The following ROBO1 variants were observed in gnomAD, a reference collection of about 807,000 sequenced individuals.
ROBO1 encodes roundabout guidance receptor 1.
In ROBO1, 149 loss-of-function variants were observed where a neutral mutation model predicts 195.9. That is an observed-to-expected ratio of 0.76 (90% confidence interval 0.67 to 0.87). ROBO1 has a LOEUF of 0.87. Ranked by LOEUF, ROBO1 falls within the 40% of genes least tolerant of loss-of-function variation. The probability of loss-of-function intolerance (pLI) is 0.00; values close to 1 mark genes in which losing one functional copy is unlikely to be tolerated. For synonymous variants in ROBO1, 816 were observed against 733.2 expected, an observed-to-expected ratio of 1.11 and a Z score of -1.82; for missense variants, 1,933 against 2,068.3, an observed-to-expected ratio of 0.93 and a Z score of 1.27.
At chr3:79,052,168 T>G (rs547131323) in intron 3 of ROBO1, among the ~76,000 whole-genome samples, 10 of 152,014 alleles carry the variant, frequency 6.6e-5, no homozygotes, top group African/African-American at 2.4e-5. Flanking sequence ...TCTCAGCAAG[T>G]AATAGCCCTG....
chr3:78,774,399 C>A (rs2083453560), intron 4 of ROBO1, among the ~76,000 whole-genome samples: 1 of 152,058 alleles, frequency 6.6e-6, no homozygotes, highest in Admixed American at 6.6e-5. Context: ...CAAGCTACGC[C>A]TCCTGGGTTC....
chr3:78,762,901 A>G (rs1357601571), intron 4 of ROBO1, among the ~76,000 whole-genome samples: 1 of 152,088 alleles, frequency 6.6e-6, no homozygotes, highest in African/African-American at 2.4e-5. Context: ...AACCACAACC[A>G]CTAATTATAA....
intron 1 of ROBO1, among the ~76,000 whole-genome samples, chr3:79,745,706 C>T (rs886560865): frequency 2.0e-5 from 3 of 152,054 alleles, no homozygotes; most frequent in East Asian, 3.8e-4. Flanking sequence ...GGTCATGTCC[C>T]TTTTCATTTT....
intron 3 of ROBO1, among the ~76,000 whole-genome samples, chr3:79,089,994 C>T (rs1255471612): frequency 1.3e-5 from 2 of 149,108 alleles, no homozygotes; most frequent in African/African-American, 5.0e-5. Context: ...GGCTGGAGTG[C>T]AGTGGTGCAA....
intron 2 of ROBO1, among the ~76,000 whole-genome samples, chr3:79,434,945 C>T (rs529233172): frequency 1.3e-5 from 2 of 152,216 alleles, no homozygotes; most frequent in African/African-American, 4.8e-5. Flanking sequence ...CCATCATTCT[C>T]AGCAAACTAT....
intron 2 of ROBO1, among the ~76,000 whole-genome samples, chr3:79,553,402 T>C (rs1352384414): frequency 6.6e-6 from 1 of 152,086 alleles, no homozygotes; most frequent in East Asian, 1.9e-4. Flanking sequence ...ATACACAGGA[T>C]ACAGTTTCAT....
At chr3:79,725,360 G>A (rs1340366292) in intron 1 of ROBO1, among the ~76,000 whole-genome samples, 1 of 150,882 alleles carries the variant, frequency 6.6e-6, no homozygotes, top group Non-Finnish European at 1.5e-5. Context: ...CCGAGTAGCT[G>A]GGACTACAGG....
chr3:79,190,167 T>G (rs1038328834), intron 2 of ROBO1, among the ~76,000 whole-genome samples: 5 of 151,668 alleles, frequency 3.3e-5, no homozygotes, highest in African/African-American at 1.2e-4. Flanking sequence ...AAATTTACCC[T>G]GCTTATATAT....
chr3:79,464,759 T>C (rs1433982290), intron 2 of ROBO1, among the ~76,000 whole-genome samples: 2 of 152,208 alleles, frequency 1.3e-5, no homozygotes, highest in African/African-American at 4.8e-5. Context: ...AATTCATCTA[T>C]TTTTTGTCAC....
intron 4 of ROBO1, among the ~76,000 whole-genome samples, chr3:78,852,036 T>A (rs1388459013): frequency 1.3e-5 from 2 of 152,078 alleles, no homozygotes; most frequent in Admixed American, 6.6e-5. Context: ...ATTTTAAATT[T>A]AAGAAACACA....
At chr3:79,735,234 A>G (rs1703330171) in intron 1 of ROBO1, among the ~76,000 whole-genome samples, 1 of 152,218 alleles carries the variant, frequency 6.6e-6, no homozygotes, top group Non-Finnish European at 1.5e-5. Flanking sequence ...TAGGTCTCTA[A>G]TATCTCAAGA....
intron 4 of ROBO1, among the ~76,000 whole-genome samples, chr3:78,809,470 C>T (rs961451065): frequency 3.3e-5 from 5 of 152,118 alleles, no homozygotes; most frequent in Admixed American, 6.5e-5. Context: ...TACCATTTGA[C>T]CCAGCAATCC....
chr3:79,016,649 A>G (rs2077943135), intron 3 of ROBO1, among the ~76,000 whole-genome samples: 1 of 152,188 alleles, frequency 6.6e-6, no homozygotes, highest in Non-Finnish European at 1.5e-5. Flanking sequence ...ATGTGACCCT[A>G]TCTTTAATCT....
chr3:78,746,853 C>T lies in ROBO1; in HGVS notation c.547G>A (p.Val183Ile), dbSNP rs2082670221. 3 of 1,593,080 alleles carry T rather than the reference C, an allele frequency of 1.9e-6. No homozygotes were observed. The highest frequency in any genetic ancestry group is 1.1e-5 in the South Asian group (1 of 88,890). Reference sequence around the variant, plus strand: ...CATTCCATTACTGCAGGCTCTCCTACTGCAACCATGACATCCGAAGGGTTT... The same window carrying T: ...CATTCCATTACTGCAGGCTCTCCTATTGCAACCATGACATCCGAAGGGTTT... The part of the protein sequence containing the change: ...RQNPSDVMVA[V>I]GEPAVMECQP... The change falls in exon 5 of 31, where the codon GTA becomes ATA. Residue 183 changes from valine (V) to isoleucine (I), a missense_variant. Coordinates refer to ENST00000464233, the MANE Select transcript of ROBO1 (RefSeq NM_002941.4).
chr3:79,308,722 C>T (rs1162094801), intron 2 of ROBO1, among the ~76,000 whole-genome samples: 4 of 152,144 alleles, frequency 2.6e-5, no homozygotes, highest in African/African-American at 9.7e-5. Context: ...ACATTTGCCT[C>T]TGAATCAATT....
intron 2 of ROBO1, among the ~76,000 whole-genome samples, chr3:79,521,673 AG>A (rs1428863670): frequency 6.6e-6 from 1 of 152,182 alleles, no homozygotes; most frequent in East Asian, 1.9e-4. Context: ...ATACTTATTT[AG>A]CTTCAAATAA....
intron 1 of ROBO1, among the ~76,000 whole-genome samples, chr3:79,663,459 C>A (rs1457408801): frequency 6.6e-6 from 1 of 152,020 alleles, no homozygotes; most frequent in Admixed American, 6.6e-5. Context: ...TCATTCTCTT[C>A]CTATTCTTAC....
chr3:79,324,297 C>T lies in ROBO1; in HGVS notation c.89-198758G>A, dbSNP rs552245398. Among the ~76,000 whole-genome samples the T allele has an allele frequency of 5.3e-5, 8 of 152,154 alleles. No individual in the cohort carries two copies. The South Asian group carries it at 1.2e-3, about 24-fold the overall frequency. On this transcript the variant is annotated intron_variant, in intron 2 of 30. Coordinates refer to ENST00000464233, the MANE Select transcript of ROBO1 (RefSeq NM_002941.4). ...AAATTTATTTTGCACCTGCTATCTA[C>T]GAGGCACTGAATAGCCAACAGCAAA...
intron 2 of ROBO1, among the ~76,000 whole-genome samples, chr3:79,496,609 G>A (rs1019060500): frequency 6.7e-6 from 1 of 148,344 alleles, no homozygotes; most frequent in Non-Finnish European, 1.5e-5. Flanking sequence ...GGATGGTCTC[G>A]ATCTCCTGAC....
Sources: allele counts gnomAD v4.1 joint callset (sites outside exome capture counted in the v4.1 genomes callset), GRCh38; gene constraint gnomAD v4.1.1; transcripts MANE v1.5; gene names NCBI Gene and HGNC (gene_info 2026-07-23, HGNC 2026-07-21).